SNRPN: variants seen among roughly 807,000 people sequenced by gnomAD.
The protein encoded by SNRPN is small nuclear ribonucleoprotein polypeptide N, also known as small nuclear ribonucleoprotein-associated protein N.
SNRPN carries 7 observed loss-of-function variants against 25.2 expected under a neutral mutation model. The ratio of observed to expected loss-of-function variants is 0.28; its 90% confidence interval spans 0.16 to 0.52. The LOEUF (loss-of-function observed/expected upper bound fraction) is 0.52, where lower values mean the gene tolerates loss of function less well. Ranked by LOEUF, SNRPN falls within the 20% of genes least tolerant of loss-of-function variation. The pLI, the probability that SNRPN is intolerant of heterozygous loss-of-function variation, is 0.96. For missense variants in SNRPN, 196 were observed against 322.5 expected (o/e 0.61, Z 3.00); for synonymous variants, 124 against 110.6 (o/e 1.12, Z -0.76).
At position 24,872,471 on chromosome 15, in the gene SNRPN, C is replaced by T. The variant is rs146477976; in HGVS notation, c.-578-14045C>T. ...TTTGGAAAATATAGTTTAGGCTGGG[C>T]GCAGTGGCTCACGCCTGTAATCCCA... is the stretch of plus-strand genomic sequence containing the variant. On this transcript the variant is annotated intron_variant, in intron 1 of 11. Transcript: ENST00000400097. 4.7e-3 allele frequency among the ~76,000 whole-genome samples: 559 copies of T among 119,886 alleles called. 122 individuals are homozygous for T. The highest frequency in any genetic ancestry group is 0.014 in the African/African-American group (484 of 34,904). The allele number at this position is 119,886 out of a possible 152,430, so 78.6% of individuals were successfully genotyped here. A position where few individuals can be genotyped will look rare whatever the true frequency, so the allele number is the denominator to read the frequency against.
chr15:24,922,055 A>T (rs948607137), intron 3 of SNRPN, among the ~76,000 whole-genome samples: 1 of 149,636 alleles, frequency 6.7e-6, no homozygotes, highest in Non-Finnish European at 1.5e-5. Context: ...AAAAAAAAAA[A>T]AAAAAAAATT....
chr15:24,969,670 AC>A (rs2076154576), intron 3 of SNRPN, among the ~76,000 whole-genome samples: 1 of 152,180 alleles, frequency 6.6e-6, no homozygotes, highest in African/African-American at 2.4e-5. Flanking sequence ...TTTAAATACA[AC>A]ATTTAAGTCA....
At chr15:24,953,907 C>A (rs2062477809), upstream of SNRPN, among the ~76,000 whole-genome samples, 1 of 152,164 alleles carries the variant, frequency 6.6e-6, no homozygotes, top group African/African-American at 2.4e-5. Context: ...TGATAAGCCT[C>A]TGCGCACCTG....
At chr15:24,858,892 C>A (rs1402119987) in intron 1 of SNRPN, among the ~76,000 whole-genome samples, 1 of 150,770 alleles carries the variant, frequency 6.6e-6, no homozygotes. Flanking sequence ...TCTCTTTTTT[C>A]TTTCTGCCTT....
chr15:24,905,777 G>T (rs34749859), intron 2 of SNRPN, among the ~76,000 whole-genome samples: 1 of 152,136 alleles, frequency 6.6e-6, no homozygotes, highest in Non-Finnish European at 1.5e-5. Flanking sequence ...AGATTGTTTA[G>T]ACTTGAGCTT....
intron 7 of SNRPN, among the ~76,000 whole-genome samples, chr15:24,977,473 C>T (rs2077196870): frequency 1.3e-5 from 2 of 152,212 alleles, no homozygotes; most frequent in South Asian, 4.1e-4. Flanking sequence ...AACCCTATCT[C>T]TACTAAAAAT....
chr15:24,859,508 A>G (rs1034426198), intron 1 of SNRPN, among the ~76,000 whole-genome samples: 3 of 152,176 alleles, frequency 2.0e-5, no homozygotes, highest in Non-Finnish European at 4.4e-5. Context: ...TTCCAGGGGC[A>G]TTTGTTAAAG....
At chr15:24,901,514 T>C (rs966740195) in intron 2 of SNRPN, among the ~76,000 whole-genome samples, 2 of 152,228 alleles carry the variant, frequency 1.3e-5, no homozygotes, top group African/African-American at 4.8e-5. Flanking sequence ...AACACTTGTT[T>C]GTATGACTGA....
chr15:24,824,293 G>C (rs1054810657), intron 1 of SNRPN, among the ~76,000 whole-genome samples: 1 of 152,110 alleles, frequency 6.6e-6, no homozygotes, highest in Non-Finnish European at 1.5e-5. Context: ...ACAGAACACT[G>C]AGAGTCCCAT....
chr15:24,846,257 A>G (rs1476535023), intron 2 of SNRPN, among the ~76,000 whole-genome samples: 1 of 152,130 alleles, frequency 6.6e-6, no homozygotes, highest in Non-Finnish European at 1.5e-5. Context: ...TCACGTTTTT[A>G]TGCTATTATA....
chr15:24,875,836 C>G (rs2055805322), intron 1 of SNRPN, among the ~76,000 whole-genome samples: 1 of 151,958 alleles, frequency 6.6e-6, no homozygotes, highest in East Asian at 1.9e-4. Flanking sequence ...GGCAGATCAC[C>G]TGAGGTCAGG....
At chr15:24,874,683 G>A (rs1034919552) in intron 1 of SNRPN, among the ~76,000 whole-genome samples, 30 of 152,020 alleles carry the variant, frequency 2.0e-4, no homozygotes, top group African/African-American at 7.2e-4. Context: ...GTCTTCTGGT[G>A]ATATGATCAC....
chr15:24,956,032 T>C (rs1437883339), intron 1 of SNRPN, among the ~76,000 whole-genome samples: 1 of 151,974 alleles, frequency 6.6e-6, no homozygotes, highest in Non-Finnish European at 1.5e-5. Context: ...TGCTTTTTTA[T>C]TAAAACTGCG....
At chr15:24,945,342 G>GT in intron 3 of SNRPN, among the ~76,000 whole-genome samples, 1 of 26,902 alleles carries the variant, frequency 3.7e-5, no homozygotes, top group Non-Finnish European at 6.9e-5. Context: ...CACCCACCAT[G>GT]TAAAAAAAAA....
At chr15:24,864,446 C>T (rs1172876204) in intron 1 of SNRPN, among the ~76,000 whole-genome samples, 2 of 148,296 alleles carry the variant, frequency 1.3e-5, no homozygotes, top group Admixed American at 6.8e-5. Context: ...CGGGTTCAAG[C>T]GATTCTCCTG....
At chr15:24,864,812 TGTTA>T (rs1373794572) in intron 1 of SNRPN, among the ~76,000 whole-genome samples, 24 of 152,264 alleles carry the variant, frequency 1.6e-4, no homozygotes, top group African/African-American at 5.5e-4. Flanking sequence ...TTTAAAAGTG[TGTTA>T]GTTAATCTCC....
chr15:24,908,489 A>G lies in SNRPN; in HGVS notation c.-504-11522A>G, dbSNP rs761684716. Among the ~76,000 whole-genome samples, 79 of 152,166 alleles carry G rather than the reference A, an allele frequency of 5.2e-4. 3 individuals carry two copies. The highest frequency in any genetic ancestry group is 1.9e-4 in the Non-Finnish European group (13 of 68,042). On this transcript the variant is annotated intron_variant, in intron 2 of 11. Coordinates refer to the SNRPN transcript ENST00000400097. ...GAACAGAATGTTAGAAAGAATATGGACAGTAAAGGACATTCTGATGAAGTC... is the reference window on the plus strand; with the variant it reads ...GAACAGAATGTTAGAAAGAATATGGGCAGTAAAGGACATTCTGATGAAGTC...
chr15:24,926,556 C>A (rs781575406), intron 3 of SNRPN, among the ~76,000 whole-genome samples: 47 of 152,040 alleles, frequency 3.1e-4, no homozygotes, highest in Non-Finnish European at 4.7e-4. Flanking sequence ...AATGTGATAT[C>A]ATTGCCTATG....
chr15:24,915,185 T>C (rs1334478712), intron 2 of SNRPN, among the ~76,000 whole-genome samples: 3 of 152,084 alleles, frequency 2.0e-5, no homozygotes, highest in Non-Finnish European at 2.9e-5. Context: ...TGGAGTGTAG[T>C]GGCGTGATCT....
Sources: gnomAD v4.1 joint callset for allele counts (sites outside exome capture counted in the v4.1 genomes callset) on GRCh38, gnomAD v4.1.1 for gene constraint, MANE v1.5 for transcripts, NCBI Gene and HGNC (gene_info 2026-07-23, HGNC 2026-07-21) for gene names.